Variants in DCC observed in about 807,000 individuals in gnomAD.
DCC encodes DCC netrin 1 receptor, also known as netrin receptor DCC.
A neutral mutation model predicts 172.5 loss-of-function variants in DCC; 58 were observed. That is an observed-to-expected ratio of 0.34 (90% CI 0.27 to 0.42). The LOEUF (loss-of-function observed/expected upper bound fraction) is 0.42. DCC is among the 10% of genes least tolerant of loss of function. The pLI is 1.00. For missense variants in DCC, 1,740 were observed against 1,791.0 expected, an observed-to-expected ratio of 0.97 and a Z score of 0.51; for synonymous variants, 709 against 644.5, an observed-to-expected ratio of 1.10 and a Z score of -1.52.
At chr18:52,808,414 TTCC>T (rs2038128851) in intron 2 of DCC, among the ~76,000 whole-genome samples, 1 of 151,928 alleles carries the variant, frequency 6.6e-6, no homozygotes, top group Admixed American at 6.6e-5. Flanking sequence ...TTTTTTTTTT[TTCC>T]TACAACCTCC....
At chr18:52,942,457 T>C (rs1024902037) in intron 5 of DCC, among the ~76,000 whole-genome samples, 2 of 152,188 alleles carry the variant, frequency 1.3e-5, no homozygotes, top group Admixed American at 6.5e-5. Context: ...CCTATGTTTG[T>C]TCATATCTAA....
chr18:52,984,810 T>C (rs1371885329), intron 5 of DCC, among the ~76,000 whole-genome samples: 8 of 152,120 alleles, frequency 5.3e-5, no homozygotes, highest in African/African-American at 1.7e-4. Context: ...TCCCCAAGTA[T>C]GTGCCTCTCA....
chr18:52,937,937 G>A (rs926107250), intron 5 of DCC, among the ~76,000 whole-genome samples: 8 of 152,108 alleles, frequency 5.3e-5, no homozygotes, highest in African/African-American at 1.9e-4. Context: ...CAGTGAGCGA[G>A]TGACACCTAA....
At chr18:53,050,257 C>G (rs1324945228) in intron 5 of DCC, among the ~76,000 whole-genome samples, 1 of 152,002 alleles carries the variant, frequency 6.6e-6, no homozygotes, top group Non-Finnish European at 1.5e-5. Flanking sequence ...AGTACACTGA[C>G]TCAAATGTTA....
At chr18:52,617,057 A>T (rs2034395579) in intron 1 of DCC, among the ~76,000 whole-genome samples, 1 of 152,210 alleles carries the variant, frequency 6.6e-6, no homozygotes, top group Non-Finnish European at 1.5e-5. Flanking sequence ...GAATTAGACT[A>T]GGTGAATATC....
At chr18:53,264,306 G>A (rs539685373) in intron 12 of DCC, among the ~76,000 whole-genome samples, 4 of 152,074 alleles carry the variant, frequency 2.6e-5, no homozygotes, top group African/African-American at 7.2e-5. Flanking sequence ...GGCTAACATC[G>A]TAAAACCCCA....
intron 2 of DCC, among the ~76,000 whole-genome samples, chr18:52,842,498 G>A (rs1302561684): frequency 1.3e-5 from 2 of 152,270 alleles, no homozygotes; most frequent in East Asian, 3.9e-4. Flanking sequence ...ATTAGATGAT[G>A]CTAGCCCAAT....
At chr18:52,676,598 A>G (rs1172364673) in intron 1 of DCC, among the ~76,000 whole-genome samples, 1 of 152,186 alleles carries the variant, frequency 6.6e-6, no homozygotes, top group Non-Finnish European at 1.5e-5. Context: ...ATGATATATA[A>G]TTATTTCCTT....
At chr18:52,569,248 G>A (rs934007712) in intron 1 of DCC, among the ~76,000 whole-genome samples, 2 of 152,152 alleles carry the variant, frequency 1.3e-5, no homozygotes, top group Non-Finnish European at 2.9e-5. Flanking sequence ...AGACACACCT[G>A]GGTCTATTTC....
intron 7 of DCC, among the ~76,000 whole-genome samples, chr18:53,133,242 G>C (rs1439890533): frequency 6.6e-6 from 1 of 152,168 alleles, no homozygotes. Flanking sequence ...GCAAGTTGCT[G>C]GGAATACCCA....
At chr18:52,723,793 C>T (rs1372760242) in intron 1 of DCC, among the ~76,000 whole-genome samples, 1 of 152,126 alleles carries the variant, frequency 6.6e-6, no homozygotes, top group East Asian at 1.9e-4. Flanking sequence ...GAAGGCAATG[C>T]TGAAAACCCA....
chr18:52,572,632 T>C (rs2033326266), intron 1 of DCC, among the ~76,000 whole-genome samples: 1 of 151,852 alleles, frequency 6.6e-6, no homozygotes, highest in Admixed American at 6.6e-5. Context: ...GGAGAGGGAG[T>C]GGGGCCCTGC....
At chr18:53,467,855 T>C in intron 24 of DCC, 39 bp from the exon 25 acceptor site, 1 of 1,024,472 alleles carries the variant, frequency 9.8e-7, no homozygotes, top group Middle Eastern at 2.0e-4. Context: ...TGTTGCATCC[T>C]TGAAGAGGGC....
At chr18:53,438,287 G>A (rs752877231) in intron 22 of DCC, among the ~76,000 whole-genome samples, 6 of 152,158 alleles carry the variant, frequency 3.9e-5, no homozygotes, top group Non-Finnish European at 8.8e-5. Context: ...TAACCTATAG[G>A]TTTCAACCAC....
chr18:52,408,072 T>C (rs922926946), intron 1 of DCC, among the ~76,000 whole-genome samples: 1 of 152,070 alleles, frequency 6.6e-6, no homozygotes, highest in Admixed American at 6.6e-5. Flanking sequence ...TAAATGACAA[T>C]AAGTCTTCTG....
intron 23 of DCC, among the ~76,000 whole-genome samples, chr18:53,456,879 G>A (rs982711803): frequency 9.9e-5 from 15 of 152,196 alleles, no homozygotes; most frequent in Non-Finnish European, 1.8e-4. Flanking sequence ...TAGGTTTTAA[G>A]ACAAATTTCA....
chr18:52,366,144 A>T (rs1438212424), intron 1 of DCC, among the ~76,000 whole-genome samples: 1 of 152,102 alleles, frequency 6.6e-6, no homozygotes, highest in African/African-American at 2.4e-5. Flanking sequence ...GTTTATGCTG[A>T]CTCCTGACTT....
chr18:53,183,527 A>G (rs1021994771), intron 9 of DCC, among the ~76,000 whole-genome samples: 7 of 152,116 alleles, frequency 4.6e-5, no homozygotes, highest in Non-Finnish European at 8.8e-5. Flanking sequence ...TTAATCATAA[A>G]GGATGTTAAA....
chr18:52,502,958 A>G (rs1399964919), intron 1 of DCC, among the ~76,000 whole-genome samples: 1 of 152,162 alleles, frequency 6.6e-6, no homozygotes. Context: ...TATATTTGTC[A>G]TATTATACAT....
Sources: gnomAD v4.1 joint callset for allele counts (sites outside exome capture counted in the v4.1 genomes callset) on GRCh38, gnomAD v4.1.1 for gene constraint, MANE v1.5 for transcripts, NCBI Gene and HGNC (gene_info 2026-07-23, HGNC 2026-07-21) for gene names.